ARHGAP22: variants seen among roughly 807,000 people sequenced by gnomAD.
ARHGAP22 encodes the protein Rho GTPase activating protein 22, also known as rho GTPase-activating protein 22.
In ARHGAP22, 48 loss-of-function variants were observed where a neutral mutation model predicts 59.1. That is an observed-to-expected ratio of 0.81 (90% CI 0.64 to 1.03). The LOEUF (loss-of-function observed/expected upper bound fraction) is 1.03. Among genes scored for constraint, ARHGAP22 ranks in the 50% least tolerant of loss-of-function variants. ARHGAP22 has a pLI of 0.00. For missense variants in ARHGAP22, 1,015 were observed against 958.7 expected (o/e 1.06, Z -0.78); for synonymous variants, 445 against 416.4 (o/e 1.07, Z -0.84).
intron 5 of ARHGAP22, among the ~76,000 whole-genome samples, chr10:48,458,297 T>C (rs1275908456): frequency 6.6e-6 from 1 of 151,934 alleles, no homozygotes; most frequent in Admixed American, 6.5e-5. Context: ...CCCAGGCTGC[T>C]GGGAGGCCGA....
chr10:48,431,227 G>A, the ARHGAP22 span: 1 of 1,612,122 alleles, frequency 6.2e-7, no homozygotes, highest in Non-Finnish European at 8.5e-7. Flanking sequence ...ACTTGGAGGA[G>A]AGAACCAAGA....
the ARHGAP22 span, among the ~76,000 whole-genome samples, chr10:48,431,671 G>A: frequency 3.3e-5 from 5 of 152,184 alleles, no homozygotes; most frequent in East Asian, 7.7e-4. Flanking sequence ...TTCTCTTTTT[G>A]ATATTATTGA....
chr10:48,535,812 G>T (rs1182790851), intron 3 of ARHGAP22, among the ~76,000 whole-genome samples: 1 of 152,188 alleles, frequency 6.6e-6, no homozygotes, highest in Non-Finnish European at 1.5e-5. Flanking sequence ...GGGGTAGAAG[G>T]CCCTGAGGGT....
chr10:48,610,095 C>T (rs1327658177), intron 1 of ARHGAP22, among the ~76,000 whole-genome samples: 2 of 152,194 alleles, frequency 1.3e-5, no homozygotes, highest in Non-Finnish European at 2.9e-5. Flanking sequence ...CTGCCTTGGG[C>T]CTAAAGTCTG....
chr10:48,571,366 G>A (rs959200396), intron 2 of ARHGAP22, among the ~76,000 whole-genome samples: 21 of 152,266 alleles, frequency 1.4e-4, no homozygotes, highest in Non-Finnish European at 3.1e-4. Flanking sequence ...CTTTTCTCCA[G>A]ATGACTTATT....
At chr10:48,470,548 G>T (rs1589576645) in intron 4 of ARHGAP22, among the ~76,000 whole-genome samples, 2 of 152,210 alleles carry the variant, frequency 1.3e-5, no homozygotes, top group South Asian at 4.1e-4. Context: ...TCTATACCCA[G>T]AAGAGGCCAG....
chr10:48,451,862 T>TAC (rs2045996232), intron 8 of ARHGAP22, among the ~76,000 whole-genome samples: 1 of 141,456 alleles, frequency 7.1e-6, no homozygotes, highest in Non-Finnish European at 1.5e-5. Flanking sequence ...CCAAAGCCCC[T>TAC]ACACACACAC....
chr10:48,572,872 T>C (rs2058485003), intron 2 of ARHGAP22, among the ~76,000 whole-genome samples: 1 of 152,224 alleles, frequency 6.6e-6, no homozygotes, highest in South Asian at 2.1e-4. Flanking sequence ...TTCTGTCTTA[T>C]TCTGTTTGTC....
chr10:48,450,245 C>CG lies in ARHGAP22; in HGVS notation c.1868+15dup. ...CTCCGCCCCGTCACAGGAGGCTCCA[C>CG]GGGGCAGCAAGTTACCTTTTCACAC... On this transcript the variant is annotated intron_variant, in intron 9 of 9. Coordinates refer to ENST00000249601, the MANE Select transcript of ARHGAP22 (RefSeq NM_021226.4). 6.2e-7 allele frequency: 1 copy of CG among 1,605,964 alleles called. No individual in the cohort carries two copies. Among genetic ancestry groups the CG allele is most frequent in the Non-Finnish European group, 8.5e-7 (1 of 1,176,828 alleles).
intron 4 of ARHGAP22, among the ~76,000 whole-genome samples, chr10:48,465,102 A>C (rs2047520645): frequency 6.6e-6 from 1 of 151,986 alleles, no homozygotes; most frequent in African/African-American, 2.4e-5. Flanking sequence ...GCCTGGCTGA[A>C]CTCCCTCAGC....
intron 1 of ARHGAP22, among the ~76,000 whole-genome samples, chr10:48,602,592 C>A (rs1459330055): frequency 1.3e-5 from 2 of 152,182 alleles, no homozygotes. Flanking sequence ...AGTGCTCCAG[C>A]CACCCAGGCA....
At chr10:48,598,194 T>C (rs1491003065) in intron 1 of ARHGAP22, among the ~76,000 whole-genome samples, 2 of 152,174 alleles carry the variant, frequency 1.3e-5, no homozygotes, top group Non-Finnish European at 2.9e-5. Context: ...TGTTTTCCCA[T>C]CAGTTGGTTG....
chr10:48,520,461 A>T (rs2053697708), intron 3 of ARHGAP22, among the ~76,000 whole-genome samples: 1 of 152,060 alleles, frequency 6.6e-6, no homozygotes, highest in Non-Finnish European at 1.5e-5. Context: ...AGTGCAGATG[A>T]TCTCCTTCAA....
chr10:48,481,005 G>T (rs1422517954), intron 3 of ARHGAP22, among the ~76,000 whole-genome samples: 1 of 152,248 alleles, frequency 6.6e-6, no homozygotes, highest in African/African-American at 2.4e-5. Flanking sequence ...CAGGGGGAGA[G>T]GCCGTGGGGC....
At chr10:48,628,462 G>A (rs139578155) in intron 1 of ARHGAP22, among the ~76,000 whole-genome samples, 40 of 152,242 alleles carry the variant, frequency 2.6e-4, no homozygotes, top group African/African-American at 7.5e-4. Context: ...GTAACACCAG[G>A]TGGCTCCTGT....
chr10:48,655,018 CTTT>C (rs1328608066), upstream of ARHGAP22, among the ~76,000 whole-genome samples: 15 of 64,276 alleles, frequency 2.3e-4, 1 homozygote, highest in African/African-American at 8.7e-4. Context: ...CTCTTTCTTT[CTTT>C]CTTTCTTTCA....
Position 48,451,039 on chromosome 10 carries a change from G to A in ARHGAP22, c.1090C>T (p.Leu364=), listed in dbSNP as rs1029827121. 4.5e-6 allele frequency: 7 copies of A among 1,553,088 alleles called. No homozygotes were observed. The highest frequency in any genetic ancestry group is 6.1e-6 in the Non-Finnish European group (7 of 1,148,402). The change falls in exon 9 of 10, where the codon CTG becomes TTG. Residue 364 remains leucine (L), a synonymous_variant. Transcript: ENST00000249601. ...GAGCCCCACCCCACTGCGCATTGCA[G>A]GCCCCCGCGCGGGGAGGTGGGCCCT... The part of the protein sequence containing the change: ...PEGPTSPRGG[L]QCAVGWGSEE...
At chr10:48,580,797 C>T (rs1320557807) in intron 2 of ARHGAP22, among the ~76,000 whole-genome samples, 1 of 152,074 alleles carries the variant, frequency 6.6e-6, no homozygotes, top group Non-Finnish European at 1.5e-5. Flanking sequence ...GCTGGGTGGG[C>T]TTGTTGGCTC....
chr10:48,597,313 C>T (rs1177942529), intron 1 of ARHGAP22, among the ~76,000 whole-genome samples: 1 of 152,052 alleles, frequency 6.6e-6, no homozygotes, highest in Admixed American at 6.6e-5. Context: ...TACCCACGGC[C>T]TGTTTCCACA....
Sources: gnomAD v4.1 joint callset for allele counts (sites outside exome capture counted in the v4.1 genomes callset) on GRCh38, gnomAD v4.1.1 for gene constraint, MANE v1.5 for transcripts, NCBI Gene and HGNC (gene_info 2026-07-23, HGNC 2026-07-21) for gene names.